Variants in DNHD1 observed in about 807,000 individuals in gnomAD.
DNHD1 encodes dynein heavy chain domain 1.
DNHD1 carries 383 observed loss-of-function variants against 458.1 expected under a neutral mutation model. The ratio of observed to expected loss-of-function variants is 0.84; its 90% CI spans 0.77 to 0.91. The LOEUF (loss-of-function observed/expected upper bound fraction) is 0.91, where lower values mean the gene tolerates loss of function less well. Ranked by LOEUF, DNHD1 falls within the 40% of genes least tolerant of loss-of-function variation. The pLI, the probability that DNHD1 is intolerant of heterozygous loss-of-function variation, is 0.00. For synonymous variants in DNHD1, 2,203 were observed against 2,376.9 expected (o/e 0.93, Z 2.13); for missense variants, 5,336 against 5,866.1 (o/e 0.91, Z 2.95).
chr11:6,537,545 A>G (rs918853462), intron 14 of DNHD1, among the ~76,000 whole-genome samples: 1 of 140,618 alleles, frequency 7.1e-6, no homozygotes, highest in African/African-American at 2.6e-5. Flanking sequence ...GTGATAGAGA[A>G]AAAAAAAAAA....
chr11:6,538,676 C>T lies in DNHD1; in HGVS notation c.3191C>T (p.Thr1064Ile), dbSNP rs1322594271. 1 of 1,549,572 alleles carries T rather than the reference C, an allele frequency of 6.5e-7. No homozygotes were observed. Among genetic ancestry groups the T allele is most frequent in the African/African-American group, 1.4e-5 (1 of 73,144 alleles). ...CTGACAGAGGCAGCACGGATGAGCA[C>T]AACCCTGGAGCTGCACAGCCCCGTG... Reference protein sequence around the residue: ...GWLTEAARMSTTLELHSPVLQ... With the variant: ...GWLTEAARMSITLELHSPVLQ... Residue 1064 changes from threonine (T) to isoleucine (I), a missense_variant, in exon 16 of 43, where the codon ACA (threonine) becomes ATA (isoleucine). Physicochemically the swap from Thr to Ile is moderately conservative, Grantham distance 89 (BLOSUM62 -1). Transcript: ENST00000254579.
rs149798531 is a variant in DNHD1 at position 6,565,120 on chromosome 11, T to C, written c.10756+316T>C. 9.8e-3 allele frequency among the ~76,000 whole-genome samples: 1,495 copies of C among 152,336 alleles called. 101 individuals are homozygous for C. Among genetic ancestry groups the C allele is most frequent in the Admixed American group, 0.091 (1,386 of 15,294 alleles). ...GCTCTGTTTGGATCGGGGACCCATC[T>C]GGGTGGAGTATTGGAAGGAACATTT... On this transcript the variant is annotated intron_variant, in intron 32 of 42. Transcript: ENST00000254579.
In DNHD1 at chr11:6,571,214, G is replaced by T. The variant is rs752473329; in HGVS notation, c.13702G>T (p.Val4568Leu). ...GCAACTGTTGGTTCGTTACTTGGGC[G>T]TGGGCGCGGACGCGAGCAGTGATGT... is the stretch of plus-strand genomic sequence containing the variant. The part of the protein sequence containing the change: ...RGQLLVRYLG[V>L]GADASSDVPE... The change falls in exon 42 of 43, where the codon GTG (valine) becomes TTG (leucine). Residue 4568 changes from valine to leucine, a missense_variant. Val to Leu is a conservative substitution (Grantham distance 32, BLOSUM62 1). Coordinates refer to ENST00000254579, the MANE Select transcript of DNHD1 (RefSeq NM_144666.3). The surrounding 1 kb of genome is among the most constrained non-coding windows in gnomAD (Gnocchi z 5.0). 5 of 1,608,506 alleles carry T rather than the reference G, an allele frequency of 3.1e-6. No individual in the cohort carries two copies. Among genetic ancestry groups the T allele is most frequent in the Non-Finnish European group, 4.2e-6 (5 of 1,176,910 alleles).
intron 6 of DNHD1, among the ~76,000 whole-genome samples, chr11:6,511,057 C>T (rs1852327222): frequency 6.6e-6 from 1 of 152,208 alleles, no homozygotes; most frequent in South Asian, 2.1e-4. Context: ...TACCCCAAGC[C>T]TTTTCTCAGC....
At position 6,570,722 on chromosome 11, in the gene DNHD1, T is replaced by G; in HGVS notation, c.13210T>G (p.Trp4404Gly). Residue 4404 changes from tryptophan to glycine, a missense_variant, in exon 42 of 43, where the codon TGG (tryptophan) becomes GGG (glycine). Trp to Gly is a radical substitution (Grantham distance 184). Around this residue, in one of 4 missense-constraint regions of DNHD1, gnomAD observed 698 missense variants for 664.9 expected, o/e 1.05. Coordinates refer to ENST00000254579, the MANE Select transcript of DNHD1 (RefSeq NM_144666.3). ...CGGACTGAGTGAGGGCCCCCAAGCC[T>G]GGCTGTTGCGACGCCAGAGTCGCGC... ...LCGLSEGPQAWLLRRQSRALL... is the reference protein window; with the variant it reads ...LCGLSEGPQAGLLRRQSRALL... 1 of 1,611,270 alleles carries G rather than the reference T, an allele frequency of 6.2e-7. No homozygotes were observed.
intron 3 of DNHD1, among the ~76,000 whole-genome samples, chr11:6,501,477 T>C (rs1852134816): frequency 6.6e-6 from 1 of 152,086 alleles, no homozygotes; most frequent in Non-Finnish European, 1.5e-5. Context: ...GAGGAATTAA[T>C]CTTACAGAGA....
At chr11:6,550,444 A>G (rs552715730) in intron 24 of DNHD1, among the ~76,000 whole-genome samples, 2 of 152,330 alleles carry the variant, frequency 1.3e-5, no homozygotes, top group African/African-American at 4.8e-5. Context: ...AGTGAAGAAT[A>G]TTACTGCTGG....
chr11:6,532,941 G>T, intron 12 of DNHD1, 86 bp from the exon 13 acceptor site: 1 of 1,301,224 alleles, frequency 7.7e-7, no homozygotes, highest in Non-Finnish European at 1.1e-6. Flanking sequence ...CTGCCATTCA[G>T]CCTACTCCCA....
At position 6,557,984 on chromosome 11, in the gene DNHD1, C is replaced by A; in HGVS notation, c.8689C>A (p.Arg2897Ser). The part of the protein sequence containing the change: ...LLLSGALGTG[R>S]HTAITLASSI... Reference sequence around the variant, plus strand: ...GCTCTCGGGGGCTCTGGGTACTGGGCGCCACACTGCCATCACTCTGGCTTC... The same window carrying A: ...GCTCTCGGGGGCTCTGGGTACTGGGAGCCACACTGCCATCACTCTGGCTTC... The change falls in exon 25 of 43, where the codon CGC (arginine) becomes AGC (serine). Residue 2897 changes from arginine to serine, a missense_variant. Transcript: ENST00000254579. 6.4e-7 allele frequency: 1 copy of A among 1,551,664 alleles called. No homozygotes were observed. The highest frequency in any genetic ancestry group is 8.7e-7 in the Non-Finnish European group (1 of 1,146,992).
Position 6,556,829 on chromosome 11 carries a change from C to T in DNHD1, c.7534C>T (p.Arg2512Cys), listed in dbSNP as rs959914077. The T allele has an allele frequency of 1.9e-5, 30 of 1,551,540 alleles. No homozygotes were observed. The East Asian group carries it at 6.1e-4, about 32-fold the overall frequency. Residue 2512 changes from arginine (R) to cysteine (C), a missense_variant, in exon 25 of 43, where the codon CGC (arginine) becomes TGC (cysteine). Physicochemically the swap from Arg to Cys is radical, Grantham distance 180. Coordinates refer to ENST00000254579, the MANE Select transcript of DNHD1 (RefSeq NM_144666.3). ...TGTCACAGTGCCAGGATACTGTGAG[C>T]GCCCACTGTGTCCACGCCTCTTTCG... is the stretch of plus-strand genomic sequence containing the variant. ...ATVTVPGYCE[R>C]PLCPRLFRLF...
In DNHD1 at chr11:6,558,309, A is replaced by G. The variant is rs10839583; in HGVS notation, c.9002+12A>G. The G allele has an allele frequency of 0.4, 612,815 of 1,547,988 alleles. 126,609 individuals are homozygous for G. The highest frequency in any genetic ancestry group is 0.43 in the Non-Finnish European group (494,361 of 1,145,176). Reference sequence around the variant, plus strand: ...ATGGTGTTGCAGAGGTGAGGCCAAGAACCCCATATGCGAATCTGCTCTGCT... The same window carrying G: ...ATGGTGTTGCAGAGGTGAGGCCAAGGACCCCATATGCGAATCTGCTCTGCT... On this transcript the variant is annotated intron_variant, in intron 25 of 42. Coordinates refer to ENST00000254579, the MANE Select transcript of DNHD1 (RefSeq NM_144666.3).
chr11:6,525,895 T>C (rs922326617), intron 10 of DNHD1, among the ~76,000 whole-genome samples: 1 of 152,156 alleles, frequency 6.6e-6, no homozygotes, highest in African/African-American at 2.4e-5. Context: ...CTAGTTATTT[T>C]TGTTAGAATA....
intron 10 of DNHD1, 84 bp from the exon 11 acceptor site, chr11:6,528,422 TGTGTGTGTGTGTGTAC>T: frequency 7.8e-7 from 1 of 1,289,230 alleles, no homozygotes; most frequent in Non-Finnish European, 1.1e-6. Flanking sequence ...TGTGTGTGTG[TGTGTGTGTGTGTGTAC>T]ACACACTGAG....
rs1589882251 is a variant in DNHD1, at chr11:6,540,070, C to T, written c.3615C>T (p.Thr1205=). The change falls in exon 18 of 43, where the codon ACC becomes ACT. Residue 1205 remains threonine (T), a synonymous_variant. Transcript: ENST00000254579. The stretch of plus-strand genomic sequence containing the variant: ...AGGTAGTGGACAAAGATAGTGGCAC[C>T]TTCATCCTCTCAGGTGAGACCCAGA... ...QWEVVDKDSG[T]FILSDYSNLQ... is the part of the protein sequence containing the mutation. The T allele has an allele frequency of 1.9e-6, 3 of 1,551,582 alleles. No homozygotes were observed. The highest frequency in any genetic ancestry group is 2.6e-6 in the Non-Finnish European group (3 of 1,146,980).
chr11:6,565,726 G>T lies in DNHD1; in HGVS notation c.10788G>T (p.Glu3596Asp). Residue 3596 changes from glutamate (E) to aspartate (D), a missense_variant, in exon 33 of 43, where the codon GAG becomes GAT. Coordinates refer to ENST00000254579, the MANE Select transcript of DNHD1 (RefSeq NM_144666.3). Reference protein sequence around the residue: ...GKGLMRNQKRESKTDMKEEDD... With the variant: ...GKGLMRNQKRDSKTDMKEEDD... ...GCCTCATGAGAAATCAAAAGAGAGAGAGTAAAACGGACATGAAAGAGGAAG... is the reference window on the plus strand; with the variant it reads ...GCCTCATGAGAAATCAAAAGAGAGATAGTAAAACGGACATGAAAGAGGAAG... The T allele has an allele frequency of 6.4e-7, 1 of 1,550,388 alleles. No homozygotes were observed. Among genetic ancestry groups the T allele is most frequent in the South Asian group, 1.2e-5 (1 of 83,840 alleles).
chr11:6,556,932 G>A lies in DNHD1; in HGVS notation c.7637G>A (p.Trp2546Ter). 6.4e-7 allele frequency: 1 copy of A among 1,551,688 alleles called. No individual in the cohort carries two copies. The highest frequency in any genetic ancestry group is 8.7e-7 in the Non-Finnish European group (1 of 1,147,008). ...LERHVPIIQA[W>*]LERFPSVERE... ...AGACATGTGCCTATCATTCAGGCTT[G>A]GCTTGAGCGTTTCCCTTCTGTGGAA... The change falls in exon 25 of 43, where the codon TGG becomes TAG. Residue 2546 changes from tryptophan to a stop codon, truncating the protein, a stop_gained. Coordinates refer to ENST00000254579, the MANE Select transcript of DNHD1 (RefSeq NM_144666.3). LOFTEE classifies it high-confidence loss of function.
In DNHD1 at chr11:6,546,637, C is replaced by G. The variant is rs1426228344; in HGVS notation, c.5698C>G (p.Pro1900Ala). Residue 1900 changes from proline to alanine, a missense_variant, in exon 21 of 43, where the codon CCT (proline) becomes GCT (alanine). Pro to Ala is a conservative substitution (Grantham distance 27). This residue lies in a region of DNHD1 where 3,932 missense variants were observed against 4,365.6 expected (regional missense o/e 0.90). Coordinates refer to ENST00000254579, the MANE Select transcript of DNHD1 (RefSeq NM_144666.3). ...CAAGGAGGAACCGAAGTGCCAGAAGCCTCGCAGCCTAGCTGCCATTGAGGA... is the reference window on the plus strand; with the variant it reads ...CAAGGAGGAACCGAAGTGCCAGAAGGCTCGCAGCCTAGCTGCCATTGAGGA... Reference protein sequence around the residue: ...VTKEEPKCQKPRSLAAIEEAA... With the variant: ...VTKEEPKCQKARSLAAIEEAA... 6.4e-7 allele frequency: 1 copy of G among 1,551,350 alleles called. No homozygotes were observed. The highest frequency in any genetic ancestry group is 8.7e-7 in the Non-Finnish European group (1 of 1,146,766).
intron 24 of DNHD1, among the ~76,000 whole-genome samples, chr11:6,553,901 G>T (rs921886592): frequency 6.6e-6 from 1 of 152,086 alleles, no homozygotes; most frequent in Non-Finnish European, 1.5e-5. Flanking sequence ...TATCATTAAG[G>T]TCTTCATTCT....
At chr11:6,528,377 T>G (rs1008730739) in intron 10 of DNHD1, 145 bp from the exon 11 acceptor site, 4 of 978,446 alleles carry the variant, frequency 4.1e-6, no homozygotes, top group Admixed American at 5.8e-5. Context: ...TAGATGTATG[T>G]GTTAACTCAC....
Sources: gnomAD v4.1 joint callset for allele counts (sites outside exome capture counted in the v4.1 genomes callset) on GRCh38, gnomAD v4.1.1 for gene constraint, gnomAD v4.1.1 regional missense constraint, Gnocchi (gnomAD v3.1) non-coding constraint, MANE v1.5 for transcripts, NCBI Gene and HGNC (gene_info 2026-07-23, HGNC 2026-07-21) for gene names.